Variants in RAD54L observed in about 807,000 individuals in gnomAD.
RAD54L encodes the protein DNA repair and recombination protein RAD54-like.
Under a neutral mutation model 91.6 loss-of-function variants are expected in RAD54L, and 74 were observed. The observed-to-expected ratio is 0.81, with a 90% CI of 0.67 to 0.98. The LOEUF is 0.98. RAD54L is among the 50% of genes least tolerant of loss of function. The probability of loss-of-function intolerance (pLI) is 0.00; values close to 1 mark genes in which losing one functional copy is unlikely to be tolerated. For missense variants in RAD54L, 887 were observed against 945.7 expected (o/e 0.94, Z 0.81); for synonymous variants, 304 against 349.7 (o/e 0.87, Z 1.46).
At chr1:46,264,390 C>CA (rs1660211074) in intron 8 of RAD54L, among the ~76,000 whole-genome samples, 1 of 152,098 alleles carries the variant, frequency 6.6e-6, no homozygotes, top group South Asian at 2.1e-4. Context: ...ATCTTCCTCC[C>CA]AGTAACGCTT....
chr1:46,260,957 G>A lies in RAD54L; in HGVS notation c.708G>A (p.Gly236=), dbSNP rs1660099709. The change falls in exon 7 of 18, where the codon GGG becomes GGA. Residue 236 remains glycine (G), a synonymous_variant. Coordinates refer to ENST00000371975, the MANE Select transcript of RAD54L (RefSeq NM_003579.4). The stretch of plus-strand genomic sequence containing the variant: ...ATGAGGTTGGGAAATGGCTCGGAGG[G>A]AGGATCCAACCTCTGGCCATCGATG... ...WYNEVGKWLG[G]RIQPLAIDGG... The A allele has an allele frequency of 1.2e-6, 2 of 1,614,082 alleles. No homozygotes were observed. The highest frequency in any genetic ancestry group is 1.1e-5 in the South Asian group (1 of 91,084).
chr1:46,261,279 G>T lies in RAD54L; in HGVS notation c.785G>T (p.Arg262Leu), dbSNP rs141226335. The T allele has an allele frequency of 3.5e-5, 56 of 1,612,892 alleles. No homozygotes were observed. The highest frequency in any genetic ancestry group is 4.7e-5 in the Non-Finnish European group (55 of 1,179,912). The stretch of plus-strand genomic sequence containing the variant: ...GTTGTAGAAGGATTCATGAACCAGC[G>T]TGGAGCCAGGGTGTCTTCTCCCATC... ...DQKLEGFMNQRGARVSSPILI... is the reference protein window; with the variant it reads ...DQKLEGFMNQLGARVSSPILI... The change falls in exon 8 of 18, where the codon CGT becomes CTT. Residue 262 changes from arginine to leucine, a missense_variant. By Grantham distance (102) the Arg-to-Leu change is moderately radical. Transcript: ENST00000371975.
rs546939421 is a variant in RAD54L at position 46,247,910 on chromosome 1, A to G, written c.-496A>G. The stretch of plus-strand genomic sequence containing the variant: ...CGTGGCTTCCTGCTCGACCTCCCTG[A>G]GTCTGATCCTGGTTTCCACCTCCAG... On this transcript the variant is annotated 5_prime_UTR_variant, in exon 1 of 18. Coordinates refer to ENST00000371975, the MANE Select transcript of RAD54L (RefSeq NM_003579.4). 107 of 261,714 alleles carry G rather than the reference A, an allele frequency of 4.1e-4. No individual in the cohort carries two copies. In the South Asian group the frequency reaches 4.4e-3, roughly 11 times the overall value. 16.2% of individuals were successfully genotyped at this position (261,714 alleles called of 1,614,324 possible).
At chr1:46,253,857 C>T (rs1034648441) in intron 3 of RAD54L, among the ~76,000 whole-genome samples, 1 of 150,844 alleles carries the variant, frequency 6.6e-6, no homozygotes, top group African/African-American at 2.4e-5. Flanking sequence ...TAACACTGCA[C>T]TTAGAGAGCG....
chr1:46,267,321 C>T, intron 8 of RAD54L, 138 bp from the exon 9 acceptor site: 3 of 1,131,170 alleles, frequency 2.7e-6, no homozygotes, highest in Non-Finnish European at 3.9e-6. Flanking sequence ...GTCTCGGCCT[C>T]CCAAAGTGCT....
At chr1:46,276,929 T>TG (rs2148306281) in intron 16 of RAD54L, among the ~76,000 whole-genome samples, 1 of 152,310 alleles carries the variant, frequency 6.6e-6, no homozygotes, top group East Asian at 1.9e-4. Flanking sequence ...CCTGAGTAGC[T>TG]GGGATTACAG....
At chr1:46,259,508 C>T (rs1660037010) in intron 4 of RAD54L, among the ~76,000 whole-genome samples, 1 of 152,160 alleles carries the variant, frequency 6.6e-6, no homozygotes, top group South Asian at 2.1e-4. Context: ...CATCGTGGCT[C>T]ACGCCTGTAA....
chr1:46,269,084 A>G (rs1450186232), intron 9 of RAD54L, among the ~76,000 whole-genome samples: 1 of 152,002 alleles, frequency 6.6e-6, no homozygotes, highest in Non-Finnish European at 1.5e-5. Context: ...TTCTGTTTGG[A>G]TATCTGGTTC....
rs1660688952 is a variant in RAD54L at position 46,278,410 on chromosome 1, C to G, written c.*128C>G. The G allele has an allele frequency of 2.7e-6, 3 of 1,110,510 alleles. No individual in the cohort carries two copies. Among genetic ancestry groups the G allele is most frequent in the Non-Finnish European group, 3.9e-6 (3 of 767,116 alleles). 68.8% of individuals were successfully genotyped at this position (1,110,510 alleles called of 1,614,324 possible). A position where few individuals can be genotyped will look rare whatever the true frequency, so the allele number is the denominator to read the frequency against. On this transcript the variant is annotated 3_prime_UTR_variant, in exon 18 of 18. Coordinates refer to ENST00000371975, the MANE Select transcript of RAD54L (RefSeq NM_003579.4). The stretch of plus-strand genomic sequence containing the variant: ...TCAAGAAGGGCTGCATGATGTTTGC[C>G]CAAAATTTATTTTATAAGAAAAACT...
chr1:46,247,730 C>T (rs1659682274), upstream of RAD54L: 1 of 157,940 alleles, frequency 6.3e-6, no homozygotes, highest in Non-Finnish European at 1.4e-5. Flanking sequence ...TTCGATTGAC[C>T]CGGTCTTGGC....
intron 9 of RAD54L, among the ~76,000 whole-genome samples, chr1:46,268,371 C>A (rs1021632668): frequency 6.6e-6 from 1 of 152,174 alleles, no homozygotes; most frequent in Non-Finnish European, 1.5e-5. Flanking sequence ...TAATCCCTGG[C>A]AACCACACAT....
intron 16 of RAD54L, 145 bp from the exon 17 acceptor site, chr1:46,277,672 A>G: frequency 3.3e-6 from 3 of 907,960 alleles, no homozygotes; most frequent in South Asian, 1.5e-5. Context: ...TCAGCTGAGT[A>G]GAGATAATGT....
Position 46,274,215 on chromosome 1 carries a change from C to T in RAD54L, c.1688C>T (p.Ser563Leu), listed in dbSNP as rs1420879628. 19 of 1,609,536 alleles carry T rather than the reference C, an allele frequency of 1.2e-5. No individual in the cohort carries two copies. The highest frequency in any genetic ancestry group is 2.2e-5 in the South Asian group (2 of 90,966). Residue 563 changes from serine (S) to leucine (L), a missense_variant and splice_region_variant, in exon 15 of 18, where the codon TCG (serine) becomes TTG (leucine). Physicochemically the swap from Ser to Leu is moderately radical, Grantham distance 145. Coordinates refer to ENST00000371975, the MANE Select transcript of RAD54L (RefSeq NM_003579.4). ...GTTGTAGAACGCTTCAATAGTCCAT[C>T]GGTAAATGCACATCCCCGTCCCCAC... ...AKVVERFNSP[S>L]SPDFVFMLSS...
chr1:46,257,076 G>A (rs897562179), intron 3 of RAD54L, among the ~76,000 whole-genome samples: 3 of 150,814 alleles, frequency 2.0e-5, no homozygotes, highest in Admixed American at 2.0e-4. Flanking sequence ...CCTGGGAGGT[G>A]GAGGTTGCAG....
chr1:46,252,616 A>G (rs1377622608), intron 3 of RAD54L, among the ~76,000 whole-genome samples: 1 of 152,132 alleles, frequency 6.6e-6, no homozygotes, highest in Non-Finnish European at 1.5e-5. Context: ...TGGTGGTGTC[A>G]TTTGCTGAGA....
chr1:46,248,259 A>G lies in RAD54L; in HGVS notation c.-147A>G, dbSNP rs1350142014. 1 of 1,044,762 alleles carries G rather than the reference A, an allele frequency of 9.6e-7. No homozygotes were observed. The highest frequency in any genetic ancestry group is 1.6e-5 in the African/African-American group (1 of 63,556). 64.7% of individuals were successfully genotyped at this position (1,044,762 alleles called of 1,614,324 possible). A position where few individuals can be genotyped will look rare whatever the true frequency, so the allele number is the denominator to read the frequency against. On this transcript the variant is annotated 5_prime_UTR_variant, in exon 1 of 18. Transcript: ENST00000371975. ...ACCAGTTCCTGGATGGATTCCCGCC[A>G]TCCATGCCCCCTCTTTAATTAGCCG...
At chr1:46,275,608 A>G (rs796918716) in intron 16 of RAD54L, among the ~76,000 whole-genome samples, 16 of 152,298 alleles carry the variant, frequency 1.1e-4, no homozygotes, top group African/African-American at 3.9e-4. Flanking sequence ...TACTACCACA[A>G]ATTCATGTTC....
At position 46,270,785 on chromosome 1, in the gene RAD54L, GGTAATGACCTTAA is replaced by G. The variant is rs758396888; in HGVS notation, c.1169+2_1169+14del. 2.6e-5 allele frequency: 42 copies of G among 1,614,102 alleles called. No individual in the cohort carries two copies. Among genetic ancestry groups the G allele is most frequent in the Non-Finnish European group, 3.5e-5 (41 of 1,179,996 alleles). ...CGGGAGCTCACCAGCATTGTGAATA[GGTAATGACCTTAA>G]GCGAAGTCATTAGAATTGCCTCCCA... is the stretch of plus-strand genomic sequence containing the variant. On this transcript the variant is annotated splice_donor_variant and splice_donor_5th_base_variant and intron_variant, in intron 10 of 17. Transcript: ENST00000371975. LOFTEE classifies it high-confidence loss of function.
At chr1:46,254,628 A>G (rs1167806243) in intron 3 of RAD54L, among the ~76,000 whole-genome samples, 1 of 144,072 alleles carries the variant, frequency 6.9e-6, no homozygotes, top group Non-Finnish European at 1.5e-5. Context: ...TTGCTGTGTC[A>G]CCCAGGCTGG....
Sources: gnomAD v4.1 joint callset for allele counts (sites outside exome capture counted in the v4.1 genomes callset) on GRCh38, gnomAD v4.1.1 for gene constraint, MANE v1.5 for transcripts, NCBI Gene and HGNC (gene_info 2026-07-23, HGNC 2026-07-21) for gene names.